The following FNIP1 variants were observed in gnomAD, a reference collection of about 807,000 sequenced individuals.
FNIP1 encodes folliculin-interacting protein 1.
In FNIP1, 40 loss-of-function variants were observed where a neutral mutation model predicts 124.5. The observed-to-expected ratio is 0.32, with a 90% CI of 0.25 to 0.42. The LOEUF is 0.42. FNIP1 is among the 10% of genes least tolerant of loss of function. The pLI is 1.00. For synonymous variants in FNIP1, 472 were observed against 470.6 expected, an observed-to-expected ratio of 1.00 and a Z score of -0.04; for missense variants, 1,176 against 1,403.7, an observed-to-expected ratio of 0.84 and a Z score of 2.59.
intron 1 of FNIP1, among the ~76,000 whole-genome samples, chr5:131,780,870 A>G (rs948305668): frequency 6.6e-6 from 1 of 152,226 alleles, no homozygotes; most frequent in African/African-American, 2.4e-5. Flanking sequence ...AGTGAAAGAA[A>G]GAGTTGCACA....
Position 131,671,908 on chromosome 5 carries a change from T to C in FNIP1, c.2536A>G (p.Thr846Ala). ...DEYFNDDSIETRTIDDVPFKT... is the reference protein window; with the variant it reads ...DEYFNDDSIEARTIDDVPFKT... ...AATGGAACATCATCAATAGTCCTGG[T>C]TTCGATTGAATCATCATTAAAATAT... Residue 846 changes from threonine to alanine, a missense_variant, in exon 14 of 18, where the codon ACC becomes GCC. This residue lies in a region of FNIP1 where 1,109 missense variants were observed against 1,288.5 expected (regional missense o/e 0.86). Transcript: ENST00000510461. The C allele has an allele frequency of 6.2e-7, 1 of 1,614,196 alleles. No individual in the cohort carries two copies. The highest frequency in any genetic ancestry group is 1.3e-5 in the African/African-American group (1 of 75,068).
intron 11 of FNIP1, among the ~76,000 whole-genome samples, chr5:131,692,670 T>TA (rs1386610144): frequency 6.6e-6 from 1 of 152,044 alleles, no homozygotes; most frequent in Admixed American, 6.6e-5. Flanking sequence ...AAAGATATAG[T>TA]AATTAAGATA....
intron 11 of FNIP1, among the ~76,000 whole-genome samples, chr5:131,698,055 C>A (rs1768768180): frequency 6.6e-6 from 1 of 151,340 alleles, no homozygotes; most frequent in South Asian, 2.1e-4. Context: ...ACCTTACACA[C>A]ACAATTTCAT....
At chr5:131,651,767 CT>C (rs1407199697) in intron 16 of FNIP1, 34 bp downstream of exon 16, 5 of 1,598,274 alleles carry the variant, frequency 3.1e-6, no homozygotes, top group Middle Eastern at 3.3e-4. Flanking sequence ...TTAAGCAGTG[CT>C]TAAAGTAATG....
At chr5:131,718,009 C>T (rs1275936301) in intron 5 of FNIP1, among the ~76,000 whole-genome samples, 1 of 144,552 alleles carries the variant, frequency 6.9e-6, no homozygotes, top group African/African-American at 2.6e-5. Flanking sequence ...TAGTGAAACC[C>T]TGTCTCTACT....
intron 1 of FNIP1, among the ~76,000 whole-genome samples, chr5:131,783,498 T>C (rs1459862892): frequency 2.0e-5 from 3 of 150,426 alleles, no homozygotes; most frequent in South Asian, 4.2e-4. Context: ...CGGGAGACTG[T>C]CCCTGGAGGA....
At chr5:131,678,619 G>C (rs898792065) in intron 12 of FNIP1, among the ~76,000 whole-genome samples, 1 of 48 alleles carries the variant, frequency 0.021, no homozygotes, top group Non-Finnish European at 0.042. Flanking sequence ...CACCGTGTTA[G>C]CCAGGATGTC....
intron 10 of FNIP1, among the ~76,000 whole-genome samples, chr5:131,699,788 C>A (rs949454294): frequency 1.3e-5 from 2 of 151,482 alleles, no homozygotes; most frequent in African/African-American, 4.8e-5. Flanking sequence ...TGTTGACACA[C>A]GCCTGTAATC....
intron 2 of FNIP1, among the ~76,000 whole-genome samples, chr5:131,736,320 G>A (rs762611675): frequency 6.6e-6 from 1 of 152,180 alleles, no homozygotes; most frequent in Non-Finnish European, 1.5e-5. Context: ...TTTTACAGAT[G>A]AGAAACGTGA....
intron 1 of FNIP1, among the ~76,000 whole-genome samples, chr5:131,786,382 G>C (rs943653864): frequency 3.9e-5 from 6 of 152,148 alleles, no homozygotes; most frequent in Non-Finnish European, 8.8e-5. Flanking sequence ...CCACAATGAA[G>C]AAATACAGGA....
intron 12 of FNIP1, among the ~76,000 whole-genome samples, chr5:131,678,382 A>G (rs1472762256): frequency 6.6e-6 from 1 of 152,152 alleles, no homozygotes; most frequent in Admixed American, 6.6e-5. Flanking sequence ...ATGCATCATT[A>G]GAATCCTACC....
intron 2 of FNIP1, among the ~76,000 whole-genome samples, chr5:131,737,067 T>C (rs1255381339): frequency 6.6e-6 from 1 of 152,244 alleles, no homozygotes; most frequent in Non-Finnish European, 1.5e-5. Context: ...AAGGTATTTG[T>C]TTTTGTGGGC....
chr5:131,682,352 A>G (rs1341751925), intron 11 of FNIP1, among the ~76,000 whole-genome samples: 1 of 152,194 alleles, frequency 6.6e-6, no homozygotes. Flanking sequence ...TATCAAGTAT[A>G]AAGAAGGCAA....
At chr5:131,703,391 C>T (rs901317310) in intron 10 of FNIP1, among the ~76,000 whole-genome samples, 4 of 152,234 alleles carry the variant, frequency 2.6e-5, no homozygotes, top group Admixed American at 1.3e-4. Context: ...TCTTCCTCCA[C>T]TGAAAACCCT....
In FNIP1 at chr5:131,679,162, T is replaced by A. The variant is rs1416244596; in HGVS notation, c.1216A>T (p.Asn406Tyr). 1 of 1,580,344 alleles carries A rather than the reference T, an allele frequency of 6.3e-7. No individual in the cohort carries two copies. The highest frequency in any genetic ancestry group is 1.1e-5 in the South Asian group (1 of 89,354). ...CCAATTCGTGGCATCGTGTAAAGAT[T>A]ACAAATTGTTGTTCTAAAAAGAGGA... ...ALNEFRTTIC[N>Y]LYTMPRIGEP... Residue 406 changes from asparagine (N) to tyrosine (Y), a missense_variant, in exon 12 of 18, where the codon AAT becomes TAT. Physicochemically the swap from Asn to Tyr is moderately radical, Grantham distance 143 (BLOSUM62 -2). Transcript: ENST00000510461.
At chr5:131,711,250 G>A (rs1258317465) in intron 6 of FNIP1, among the ~76,000 whole-genome samples, 1 of 152,202 alleles carries the variant, frequency 6.6e-6, no homozygotes, top group Non-Finnish European at 1.5e-5. Flanking sequence ...CACTGTGGAA[G>A]GAGGAACACA....
chr5:131,657,054 C>T (rs980018051), intron 15 of FNIP1, among the ~76,000 whole-genome samples: 2 of 119,908 alleles, frequency 1.7e-5, no homozygotes, highest in African/African-American at 6.7e-5. Flanking sequence ...GAGACAGAGT[C>T]TCGCTGGGTT....
At chr5:131,752,906 T>TA (rs373462440) in intron 1 of FNIP1, among the ~76,000 whole-genome samples, 13 of 151,024 alleles carry the variant, frequency 8.6e-5, no homozygotes, top group South Asian at 2.1e-4. Flanking sequence ...CCAACTCTAC[T>TA]AAAAAAAAAT....
chr5:131,658,998 G>A (rs1262756896), intron 15 of FNIP1, among the ~76,000 whole-genome samples: 2 of 149,038 alleles, frequency 1.3e-5, no homozygotes, highest in African/African-American at 5.0e-5. Context: ...TTCTGCACAA[G>A]TTAGGTTTTG....
Sources: gnomAD v4.1 joint callset for allele counts (sites outside exome capture counted in the v4.1 genomes callset) on GRCh38, gnomAD v4.1.1 for gene constraint, gnomAD v4.1.1 regional missense constraint, MANE v1.5 for transcripts, NCBI Gene and HGNC (gene_info 2026-07-23, HGNC 2026-07-21) for gene names.